Variants in TRAPPC8 observed in about 807,000 individuals in gnomAD.
The protein encoded by TRAPPC8 is trafficking protein particle complex subunit 8, also known as general sporulation gene 1 homolog.
A neutral mutation model predicts 174.3 loss-of-function variants in TRAPPC8; 54 were observed. The ratio of observed to expected loss-of-function variants is 0.31; its 90% CI spans 0.25 to 0.39. The LOEUF (loss-of-function observed/expected upper bound fraction) is 0.39. TRAPPC8 is among the 10% of genes least tolerant of loss of function. The pLI, the probability that TRAPPC8 is intolerant of heterozygous loss-of-function variation, is 1.00. For missense variants in TRAPPC8, 1,531 were observed against 1,699.1 expected (o/e 0.90, Z 1.74); for synonymous variants, 630 against 579.9 (o/e 1.09, Z -1.24).
intron 16 of TRAPPC8, 23 bp from the exon 17 acceptor site, chr18:31,867,499 T>C: frequency 6.8e-7 from 1 of 1,479,620 alleles, no homozygotes; most frequent in South Asian, 1.2e-5. Flanking sequence ...TTTCATAAAT[T>C]ATACATTCCA....
Position 31,829,692 on chromosome 18 carries a change from T to A in TRAPPC8, c.*1063A>T, listed in dbSNP as rs2032247992. ...AGACTGGAACAAACCATGGTAGCTG[T>A]CAATGGCACAAGGACCCCATCTGCT... On this transcript the variant is annotated 3_prime_UTR_variant, in exon 29 of 29. Transcript: ENST00000283351. 1 of 152,282 alleles carries A rather than the reference T, an allele frequency of 6.6e-6. No individual in the cohort carries two copies. 9.4% of individuals were successfully genotyped at this position (152,282 alleles called of 1,614,324 possible).
At chr18:31,849,493 TA>T in intron 25 of TRAPPC8, 72 bp downstream of exon 25, 1 of 1,229,448 alleles carries the variant, frequency 8.1e-7, no homozygotes, top group Non-Finnish European at 1.1e-6. Context: ...TAAATAGTAA[TA>T]TACGTTTGTG....
intron 22 of TRAPPC8, among the ~76,000 whole-genome samples, chr18:31,853,336 T>C (rs546389498): frequency 5.9e-5 from 9 of 152,268 alleles, no homozygotes; most frequent in Non-Finnish European, 1.3e-4. Context: ...GGCATGATCT[T>C]AGCTCACTGC....
At chr18:31,880,602 C>T (rs2035401420) in intron 12 of TRAPPC8, among the ~76,000 whole-genome samples, 1 of 151,962 alleles carries the variant, frequency 6.6e-6, no homozygotes, top group Admixed American at 6.6e-5. Flanking sequence ...CAAGGATGTA[C>T]ACTCTGCACT....
intron 2 of TRAPPC8, among the ~76,000 whole-genome samples, chr18:31,921,930 CT>C (rs1364625514): frequency 6.6e-6 from 1 of 152,118 alleles, no homozygotes; most frequent in Non-Finnish European, 1.5e-5. Flanking sequence ...GTTGTTCCCC[CT>C]AATTATGCAA....
intron 2 of TRAPPC8, among the ~76,000 whole-genome samples, chr18:31,928,290 G>A (rs964617193): frequency 6.1e-4 from 93 of 151,856 alleles, no homozygotes; most frequent in Non-Finnish European, 1.0e-3. Context: ...CTTGAGGCCA[G>A]AAGTTCAACA....
In TRAPPC8 at chr18:31,886,344, G is replaced by GAAA. The variant is rs1568092404; in HGVS notation, c.1728+4390_1728+4391insTTT. ...TTAATTTTTAAGTGATGTTTCTTGA[G>GAAA]GAAAAAAAAAAAAAAAAAAAAAGGC... On this transcript the variant is annotated intron_variant, in intron 12 of 28. Transcript: ENST00000283351. Among the ~76,000 whole-genome samples the GAAA allele has an allele frequency of 7.0e-5, 5 of 71,262 alleles. 2 individuals carry two copies. Among genetic ancestry groups the GAAA allele is most frequent in the African/African-American group, 1.1e-4 (2 of 18,844 alleles). 46.8% of individuals were successfully genotyped at this position (71,262 alleles called of 152,430 possible). A position where few individuals can be genotyped will look rare whatever the true frequency, so the allele number is the denominator to read the frequency against.
At chr18:31,852,826 TAAA>T (rs2033783137) in intron 22 of TRAPPC8, 163 bp from the exon 23 acceptor site, 1 of 627,378 alleles carries the variant, frequency 1.6e-6, no homozygotes, top group Non-Finnish European at 2.7e-6. Flanking sequence ...AATGACCTCT[TAAA>T]AAGGATAAAT....
chr18:31,932,780 G>A lies in TRAPPC8; in HGVS notation c.158-1257C>T, dbSNP rs535047516. Among the ~76,000 whole-genome samples the A allele has an allele frequency of 5.3e-5, 8 of 151,966 alleles. No homozygotes were observed. In the East Asian group the frequency reaches 1.4e-3, roughly 26 times the overall value. Reference sequence around the variant, plus strand: ...GTGGATCACCTGAGGTCAGGAGTTCGAGACCAGCCTGGCCAACATAGTGAA... The same window carrying A: ...GTGGATCACCTGAGGTCAGGAGTTCAAGACCAGCCTGGCCAACATAGTGAA... On this transcript the variant is annotated intron_variant, in intron 1 of 28. Coordinates refer to ENST00000283351, the MANE Select transcript of TRAPPC8 (RefSeq NM_014939.5).
At chr18:31,902,146 C>A (rs1029711717) in intron 9 of TRAPPC8, among the ~76,000 whole-genome samples, 6 of 152,108 alleles carry the variant, frequency 3.9e-5, no homozygotes, top group African/African-American at 1.4e-4. Context: ...GAAACACTGT[C>A]TCTAATAATA....
chr18:31,897,479 G>T (rs915417509), intron 11 of TRAPPC8, among the ~76,000 whole-genome samples: 2 of 152,092 alleles, frequency 1.3e-5, no homozygotes, highest in Non-Finnish European at 2.9e-5. Flanking sequence ...TAGGAACAAT[G>T]CACATGCATA....
At chr18:31,853,466 C>T (rs966419514) in intron 22 of TRAPPC8, among the ~76,000 whole-genome samples, 2 of 152,032 alleles carry the variant, frequency 1.3e-5, no homozygotes, top group African/African-American at 2.4e-5. Context: ...CAGGGTTTTA[C>T]CATGTTGGCC....
At chr18:31,900,190 C>T (rs573757442) in intron 10 of TRAPPC8, among the ~76,000 whole-genome samples, 8 of 152,052 alleles carry the variant, frequency 5.3e-5, no homozygotes, top group South Asian at 4.1e-4. Context: ...GCCAAGATTG[C>T]GCCACTGCAC....
intron 2 of TRAPPC8, among the ~76,000 whole-genome samples, chr18:31,919,571 A>G (rs1013697487): frequency 1.6e-5 from 2 of 127,586 alleles, no homozygotes; most frequent in African/African-American, 5.5e-5. Context: ...TAAATAAATA[A>G]ATAAATAAAT....
In TRAPPC8 at chr18:31,839,424, T is replaced by C; in HGVS notation, c.3871A>G (p.Arg1291Gly). Residue 1291 changes from arginine to glycine, a missense_variant, in exon 27 of 29, where the codon AGG becomes GGG. Transcript: ENST00000283351. ...PPEMELLKFF[R>G]PENITVSSRP... ...GAGGAAACTGTAATGTTTTCTGGCC[T>C]GAAAAATTTCAATAGTTCCATTTCT... is the stretch of plus-strand genomic sequence containing the variant. 1 of 1,602,372 alleles carries C rather than the reference T, an allele frequency of 6.2e-7. No individual in the cohort carries two copies. Among genetic ancestry groups the C allele is most frequent in the Non-Finnish European group, 8.5e-7 (1 of 1,175,726 alleles).
rs150103334 is a variant in TRAPPC8 at position 31,876,140 on chromosome 18, C to T, written c.1729-1436G>A. Among the ~76,000 whole-genome samples, 433 of 151,990 alleles carry T rather than the reference C, an allele frequency of 2.8e-3. 2 individuals are homozygous for T. The highest frequency in any genetic ancestry group is 9.6e-3 in the African/African-American group (396 of 41,448). ...TGTATGAAATTATCACGTATTATAC[C>T]CCAAACTATGTATGTTTATTATGTA... is the stretch of plus-strand genomic sequence containing the variant. On this transcript the variant is annotated intron_variant, in intron 12 of 28. Transcript: ENST00000283351.
rs188740437 is a variant in TRAPPC8, at chr18:31,830,417, A to G, written c.*338T>C. The G allele has an allele frequency of 3.8e-4, 77 of 201,430 alleles. 1 individual carries two copies. The highest frequency in any genetic ancestry group is 1.6e-3 in the African/African-American group (70 of 43,148). 12.5% of individuals were successfully genotyped at this position (201,430 alleles called of 1,614,324 possible). Reference sequence around the variant, plus strand: ...GCCAACAAGGCCTTTCCTTTCTCAGAATCATCTCCTAATATTCGTATACCA... The same window carrying G: ...GCCAACAAGGCCTTTCCTTTCTCAGGATCATCTCCTAATATTCGTATACCA... On this transcript the variant is annotated 3_prime_UTR_variant, in exon 29 of 29. Coordinates refer to ENST00000283351, the MANE Select transcript of TRAPPC8 (RefSeq NM_014939.5).
chr18:31,870,608 TAG>T, intron 15 of TRAPPC8, 106 bp from the exon 16 acceptor site: 3 of 1,237,222 alleles, frequency 2.4e-6, no homozygotes, highest in Non-Finnish European at 3.4e-6. Context: ...CATTTCTGCC[TAG>T]ACTGTCCTTT....
At chr18:31,899,392 A>G (rs947736773) in intron 10 of TRAPPC8, among the ~76,000 whole-genome samples, 2 of 152,234 alleles carry the variant, frequency 1.3e-5, no homozygotes, top group East Asian at 3.9e-4. Context: ...ACACTCAAAA[A>G]ATGTTTATTA....
Sources: gnomAD v4.1 joint callset for allele counts (sites outside exome capture counted in the v4.1 genomes callset) on GRCh38, gnomAD v4.1.1 for gene constraint, MANE v1.5 for transcripts, NCBI Gene and HGNC (gene_info 2026-07-23, HGNC 2026-07-21) for gene names.